Variants in NHS observed in about 807,000 individuals in gnomAD.
NHS encodes actin remodeling regulator NHS.
A neutral mutation model predicts 72.5 loss-of-function variants in NHS; 5 were observed. That is an observed-to-expected ratio of 0.07 (90% CI 0.04 to 0.14). The LOEUF is 0.14. Ranked by LOEUF, NHS falls within the 10% of genes least tolerant of loss-of-function variation. NHS has a pLI of 1.00. For missense variants in NHS, 1,072 were observed against 1,355.7 expected, an observed-to-expected ratio of 0.79 and a Z score of 3.29; for synonymous variants, 464 against 547.7, an observed-to-expected ratio of 0.85 and a Z score of 2.13.
intron 1 of NHS, among the ~76,000 whole-genome samples, chrX:17,409,613 T>C: frequency 8.9e-6 from 1 of 111,746 alleles, no homozygotes; most frequent in African/African-American, 3.3e-5. Context: ...GGTGCTCTGT[T>C]AGTTGTAATT....
At chrX:17,377,620 C>T (rs1056344323) in intron 1 of NHS, among the ~76,000 whole-genome samples, 1 of 113,594 alleles carries the variant, frequency 8.8e-6, no homozygotes, top group Non-Finnish European at 1.9e-5. Flanking sequence ...CTCAGCCTCC[C>T]AGCGGTCCCT....
chrX:17,538,865 G>C (rs1449943552), intron 1 of NHS, among the ~76,000 whole-genome samples: 1 of 111,942 alleles, frequency 8.9e-6, no homozygotes, highest in African/African-American at 3.3e-5. Context: ...TAGATGTCCA[G>C]GTTGGATGTA....
rs138895219 is a variant in NHS at position 17,727,948 on chromosome X, G to A, written c.3842G>A (p.Arg1281His). 16 of 1,209,441 alleles carry A rather than the reference G, an allele frequency of 1.3e-5. No individual in the cohort carries two copies. The African/African-American group carries it at 1.4e-4, about 11-fold the overall frequency. ...GGATTTCAGAGGGTCTCTGCTGCCC[G>A]CCCAAATGATTTGGATGGTAAAATA... ...TEGFQRVSAA[R>H]PNDLDGKIIQ... Residue 1281 changes from arginine to histidine, a missense_variant, in exon 7 of 9, where the codon CGC becomes CAC. Transcript: ENST00000676302.
intron 1 of NHS, among the ~76,000 whole-genome samples, chrX:17,659,348 G>T (rs997718881): frequency 1.3e-4 from 15 of 112,409 alleles, no homozygotes; most frequent in Non-Finnish European, 2.4e-4. Flanking sequence ...CTTAAAAATG[G>T]TGGTAATTCC....
intron 2 of NHS, among the ~76,000 whole-genome samples, chrX:17,691,490 G>A (rs1326726166): frequency 8.9e-6 from 1 of 111,963 alleles, no homozygotes; most frequent in Non-Finnish European, 1.9e-5. Flanking sequence ...AGCAAAGGGA[G>A]ATGGGGAATA....
At chrX:17,597,796 C>T (rs1273967305) in intron 1 of NHS, among the ~76,000 whole-genome samples, 1 of 110,405 alleles carries the variant, frequency 9.1e-6, no homozygotes, top group African/African-American at 3.3e-5. Context: ...AGCCACACCG[C>T]GGGTACCTGA....
chrX:17,488,489 C>A (rs1220693404), intron 1 of NHS, among the ~76,000 whole-genome samples: 1 of 111,480 alleles, frequency 9.0e-6, no homozygotes, highest in African/African-American at 3.3e-5. Context: ...GAAACTTGAC[C>A]TAGACCTGGA....
Position 17,376,108 on chromosome X carries a change from C to A in NHS, c.351C>A (p.Ala117=). The change falls in exon 1 of 9, where the codon GCC becomes GCA. Residue 117 remains alanine (A), a synonymous_variant. Transcript: ENST00000676302. The stretch of plus-strand genomic sequence containing the variant: ...CGTCCTCGGCGGCGGCGGCGGCGGC[C>A]GTGCTGCTCATGCTGGACCTATGCG... ...GEASSAAAAA[A]VLLMLDLCAV... 9.0e-7 allele frequency: 1 copy of A among 1,112,724 alleles called. No individual in the cohort carries two copies. Among genetic ancestry groups the A allele is most frequent in the African/African-American group, 1.9e-5 (1 of 53,120 alleles). The allele number at this position is 1,112,724 out of a possible 1,213,427, so 91.7% of individuals were successfully genotyped here.
chrX:17,646,021 G>A (rs113348488), intron 1 of NHS, among the ~76,000 whole-genome samples: 170 of 111,552 alleles, frequency 1.5e-3, no homozygotes, highest in African/African-American at 5.3e-3. Flanking sequence ...CCGTGATCAC[G>A]GCTCACTGCA....
intron 1 of NHS, among the ~76,000 whole-genome samples, chrX:17,388,409 G>A (rs2064421607): frequency 9.0e-6 from 1 of 111,377 alleles, no homozygotes; most frequent in South Asian, 3.8e-4. Context: ...GGGTGGTCAG[G>A]TGGGCCTCAC....
At chrX:17,494,115 A>G (rs764948001) in intron 1 of NHS, among the ~76,000 whole-genome samples, 54 of 84,938 alleles carry the variant, frequency 6.4e-4, no homozygotes, top group African/African-American at 2.1e-3. Context: ...ATTTCACTCT[A>G]TCACCCAGGC....
chrX:17,469,041 T>C (rs914395196), intron 1 of NHS, among the ~76,000 whole-genome samples: 6 of 111,915 alleles, frequency 5.4e-5, no homozygotes, highest in African/African-American at 1.9e-4. Flanking sequence ...TTAATTTTCT[T>C]GTTTTGAACT....
rs1419938235 is a variant in NHS, at chrX:17,633,074, G to GT, written c.566-54663dup. ...AAACAGCCTGAGACCCATAGGAAGG[G>GT]TTTTTGTTTTTTTTTTTAGCGGGGG... On this transcript the variant is annotated intron_variant, in intron 1 of 8. Coordinates refer to ENST00000676302, the MANE Select transcript of NHS (RefSeq NM_001291867.2). Among the ~76,000 whole-genome samples the GT allele has an allele frequency of 8.3e-5, 9 of 108,194 alleles. No individual in the cohort carries two copies. The Middle Eastern group carries it at 0.015, about 175-fold the overall frequency. The allele number at this position is 108,194 out of a possible 115,157, so 94.0% of individuals were successfully genotyped here.
intron 1 of NHS, among the ~76,000 whole-genome samples, chrX:17,640,169 A>G (rs2065873790): frequency 9.0e-6 from 1 of 111,230 alleles, no homozygotes; most frequent in Non-Finnish European, 1.9e-5. Context: ...TATAGAGGTA[A>G]ACTGAAGTGG....
intron 1 of NHS, among the ~76,000 whole-genome samples, chrX:17,529,131 C>T (rs1386669335): frequency 3.6e-5 from 4 of 110,876 alleles, no homozygotes; most frequent in African/African-American, 6.6e-5. Flanking sequence ...TTCTGAAGTC[C>T]GTCAACTACT....
chrX:17,718,829 AAAG>A (rs779084804), intron 3 of NHS, among the ~76,000 whole-genome samples: 205 of 94,950 alleles, frequency 2.2e-3, no homozygotes, highest in Non-Finnish European at 3.1e-3. Context: ...GTAGGAAGGG[AAAG>A]AAGAAAGGAA....
chrX:17,560,495 G>A (rs1474446516), intron 1 of NHS, among the ~76,000 whole-genome samples: 4 of 112,506 alleles, frequency 3.6e-5, no homozygotes, highest in Non-Finnish European at 5.6e-5. Context: ...TCTCAGTTCA[G>A]CTCTCTGTGT....
intron 1 of NHS, among the ~76,000 whole-genome samples, chrX:17,644,826 C>G (rs914408016): frequency 2.7e-5 from 3 of 110,848 alleles, no homozygotes; most frequent in African/African-American, 9.9e-5. Context: ...GAAGATCCTT[C>G]TATATTTATC....
chrX:17,605,772 A>C (rs2065675564), intron 1 of NHS, among the ~76,000 whole-genome samples: 1 of 110,796 alleles, frequency 9.0e-6, no homozygotes, highest in Non-Finnish European at 1.9e-5. Context: ...CCGGCCTCCA[A>C]CTCTGGAGGA....
Sources: gnomAD v4.1 joint callset for allele counts (sites outside exome capture counted in the v4.1 genomes callset) on GRCh38, gnomAD v4.1.1 for gene constraint, MANE v1.5 for transcripts, NCBI Gene and HGNC (gene_info 2026-07-23, HGNC 2026-07-21) for gene names.